DTNB: variants seen among roughly 807,000 people sequenced by gnomAD.
DTNB encodes dystrobrevin beta, also known as DTN-B.
In DTNB, 63 loss-of-function variants were observed where a neutral mutation model predicts 90.7. That is an observed-to-expected ratio of 0.69 (90% CI 0.57 to 0.86). DTNB has a LOEUF of 0.86. Ranked by LOEUF, DTNB falls within the 40% of genes least tolerant of loss-of-function variation. The pLI is 0.00. For missense variants in DTNB, 744 were observed against 807.1 expected (o/e 0.92, Z 0.95); for synonymous variants, 277 against 286.7 (o/e 0.97, Z 0.34).
chr2:25,491,434 T>C (rs2150467090), intron 9 of DTNB, among the ~76,000 whole-genome samples: 1 of 152,306 alleles, frequency 6.6e-6, no homozygotes, highest in Middle Eastern at 3.4e-3. Flanking sequence ...TCTGGCATAG[T>C]ATGAGGCACA....
intron 8 of DTNB, among the ~76,000 whole-genome samples, chr2:25,544,305 CACTGCGAT>C (rs1265359532): frequency 6.6e-6 from 1 of 152,208 alleles, no homozygotes; most frequent in African/African-American, 2.4e-5. Flanking sequence ...ATGAACCAGG[CACTGCGAT>C]ACTCTGCAAA....
intron 8 of DTNB, among the ~76,000 whole-genome samples, chr2:25,553,213 G>A (rs1376638846): frequency 1.3e-5 from 2 of 151,864 alleles, no homozygotes; most frequent in African/African-American, 2.4e-5. Flanking sequence ...TTAGCCTCCC[G>A]AGTAGCTGGG....
chr2:25,526,362 AATATATATATATATAT>A (rs1273988960), intron 9 of DTNB, among the ~76,000 whole-genome samples: 3 of 99,816 alleles, frequency 3.0e-5, no homozygotes, highest in African/African-American at 1.3e-4. Flanking sequence ...AATATATATA[AATATATATATATATAT>A]ATATATATAT....
chr2:25,479,035 T>C (rs1479744509), intron 10 of DTNB, among the ~76,000 whole-genome samples: 2 of 152,224 alleles, frequency 1.3e-5, no homozygotes, highest in African/African-American at 4.8e-5. Flanking sequence ...TTTTTGCCTT[T>C]GCTTTGTGGG....
intron 10 of DTNB, among the ~76,000 whole-genome samples, chr2:25,455,855 C>T (rs1411224907): frequency 1.3e-5 from 2 of 152,234 alleles, no homozygotes; most frequent in Non-Finnish European, 2.9e-5. Context: ...ACAACTGAGG[C>T]ACAGCCAATC....
At chr2:25,670,098 T>C (rs1448178177) in intron 1 of DTNB, among the ~76,000 whole-genome samples, 2 of 152,178 alleles carry the variant, frequency 1.3e-5, no homozygotes, top group Non-Finnish European at 2.9e-5. Context: ...CGATACATAC[T>C]ACATAAGAGA....
chr2:25,471,303 G>A (rs2062758474), intron 10 of DTNB, among the ~76,000 whole-genome samples: 1 of 151,948 alleles, frequency 6.6e-6, no homozygotes, highest in Admixed American at 6.6e-5. Context: ...TACCCAGCGG[G>A]GTCTCGTCTT....
intron 16 of DTNB, among the ~76,000 whole-genome samples, chr2:25,412,714 G>A (rs540405533): frequency 2.6e-4 from 39 of 152,262 alleles, no homozygotes; most frequent in African/African-American, 9.4e-4. Flanking sequence ...CCTTTCCTTG[G>A]ATAGCTCAGT....
chr2:25,654,829 C>T (rs114831265), intron 1 of DTNB, among the ~76,000 whole-genome samples: 2,077 of 152,328 alleles, frequency 0.014, 20 homozygotes, highest in Non-Finnish European at 0.022. Flanking sequence ...ATCTCGGATT[C>T]ATCATGTGTA....
At position 25,602,251 on chromosome 2, in the gene DTNB, A is replaced by G. The variant is rs1466968492; in HGVS notation, c.448+4985T>C. On this transcript the variant is annotated intron_variant, in intron 5 of 20. Coordinates refer to ENST00000406818, the MANE Select transcript of DTNB (RefSeq NM_021907.5). Reference sequence around the variant, plus strand: ...TGTTGACTCAGCCAGGAACCACCTGAGACAAGGCTCCAGACCTCCTTTGGT... The same window carrying G: ...TGTTGACTCAGCCAGGAACCACCTGGGACAAGGCTCCAGACCTCCTTTGGT... 2.6e-5 allele frequency among the ~76,000 whole-genome samples: 4 copies of G among 152,186 alleles called. No individual in the cohort carries two copies. The South Asian group carries it at 8.3e-4, about 32-fold the overall frequency.
intron 6 of DTNB, among the ~76,000 whole-genome samples, chr2:25,588,398 C>CCTCTA (rs1240250682): frequency 1.3e-5 from 2 of 151,388 alleles, no homozygotes; most frequent in East Asian, 3.9e-4. Context: ...ACGGAGTCTC[C>CCTCTA]CTCTATTGCC....
chr2:25,531,643 T>C (rs995816366), intron 8 of DTNB, 46 bp from the exon 9 acceptor site: 2 of 1,564,798 alleles, frequency 1.3e-6, no homozygotes, highest in Non-Finnish European at 8.6e-7. Context: ...TTCAAAAGAA[T>C]GAAAGGAACT....
chr2:25,477,307 G>C (rs2063927191), intron 10 of DTNB, among the ~76,000 whole-genome samples: 3 of 152,082 alleles, frequency 2.0e-5, no homozygotes, highest in Non-Finnish European at 4.4e-5. Context: ...GGTGGTCTGG[G>C]ACCAAACCTG....
At chr2:25,433,887 G>A in intron 13 of DTNB, 23 bp downstream of exon 13, 1 of 1,611,940 alleles carries the variant, frequency 6.2e-7, no homozygotes, top group Non-Finnish European at 8.5e-7. Context: ...CTCTGGAAGT[G>A]GGCTCAGCCT....
At chr2:25,382,028 T>C (rs1466078353) in intron 19 of DTNB, among the ~76,000 whole-genome samples, 1 of 152,252 alleles carries the variant, frequency 6.6e-6, no homozygotes, top group African/African-American at 2.4e-5. Context: ...CTTCCCTTAG[T>C]CTACCAGTTC....
At chr2:25,454,761 A>C (rs1288802209) in intron 11 of DTNB, among the ~76,000 whole-genome samples, 3 of 152,232 alleles carry the variant, frequency 2.0e-5, no homozygotes, top group Non-Finnish European at 4.4e-5. Context: ...TCTTATTAAC[A>C]GTGAGTCACT....
chr2:25,479,163 T>G (rs950834528), intron 10 of DTNB, among the ~76,000 whole-genome samples: 1 of 152,214 alleles, frequency 6.6e-6, no homozygotes, highest in Non-Finnish European at 1.5e-5. Flanking sequence ...ACTTCCACAG[T>G]TCTATGAAAT....
At chr2:25,443,960 G>C (rs961028405) in intron 12 of DTNB, among the ~76,000 whole-genome samples, 1 of 152,232 alleles carries the variant, frequency 6.6e-6, no homozygotes, top group Admixed American at 6.5e-5. Flanking sequence ...TGGAGCAGCT[G>C]ACAAGGAGAT....
At chr2:25,405,611 T>G (rs538626188) in intron 16 of DTNB, among the ~76,000 whole-genome samples, 1 of 152,262 alleles carries the variant, frequency 6.6e-6, no homozygotes, top group East Asian at 1.9e-4. Context: ...TGTTGTTGTT[T>G]TTTTTTTCAA....
Sources: allele counts gnomAD v4.1 joint callset (sites outside exome capture counted in the v4.1 genomes callset), GRCh38; gene constraint gnomAD v4.1.1; transcripts MANE v1.5; gene names NCBI Gene and HGNC (gene_info 2026-07-23, HGNC 2026-07-21).